PRPF39: variants seen among roughly 807,000 people sequenced by gnomAD.
PRPF39 encodes the protein pre-mRNA-processing factor 39.
Under a neutral mutation model 82.1 loss-of-function variants are expected in PRPF39, and 27 were observed. The ratio of observed to expected loss-of-function variants is 0.33; its 90% CI spans 0.24 to 0.45. The LOEUF is 0.45. Ranked by LOEUF, PRPF39 falls within the 20% of genes least tolerant of loss-of-function variation. The probability of loss-of-function intolerance (pLI) is 1.00; values close to 1 mark genes in which losing one functional copy is unlikely to be tolerated. For missense variants in PRPF39, 581 were observed against 796.9 expected (o/e 0.73, Z 3.26); for synonymous variants, 261 against 256.4 (o/e 1.02, Z -0.17).
chr14:45,085,222 C>T (rs1244708598), intron 1 of PRPF39, among the ~76,000 whole-genome samples: 3 of 152,110 alleles, frequency 2.0e-5, no homozygotes, highest in African/African-American at 7.2e-5. Context: ...GATTTATAAC[C>T]TCATTCTAGA....
intron 2 of PRPF39, chr14:45,095,875 T>C (rs983767554): frequency 2.2e-6 from 1 of 446,398 alleles, no homozygotes; most frequent in African/African-American, 2.1e-5. Context: ...AAAAGGGGGC[T>C]GCTGCCTGTG....
At chr14:45,099,121 T>C (rs914491252) in intron 4 of PRPF39, among the ~76,000 whole-genome samples, 1 of 152,214 alleles carries the variant, frequency 6.6e-6, no homozygotes, top group Non-Finnish European at 1.5e-5. Flanking sequence ...TTGGGTCTGA[T>C]GTAAATGAAG....
chr14:45,089,654 A>G (rs1023578547), intron 1 of PRPF39, among the ~76,000 whole-genome samples: 4 of 152,150 alleles, frequency 2.6e-5, no homozygotes, highest in South Asian at 2.1e-4. Flanking sequence ...TGATCGGCCT[A>G]CTTGGCCTCC....
At chr14:45,111,631 CTTTTTTTTTTT>C (rs58863567) in intron 10 of PRPF39, among the ~76,000 whole-genome samples, 1,778 of 58,806 alleles carry the variant, frequency 0.03, 33 homozygotes, top group Middle Eastern at 0.064. Flanking sequence ...TGCACCTGGG[CTTTTTTTTTTT>C]TTTTTTTTTT....
chr14:45,085,048 A>G (rs905796988), intron 1 of PRPF39, among the ~76,000 whole-genome samples: 1 of 152,164 alleles, frequency 6.6e-6, no homozygotes, highest in African/African-American at 2.4e-5. Flanking sequence ...TAATCTGTTC[A>G]GAAATAAACT....
At position 45,096,109 on chromosome 14, in the gene PRPF39, T is replaced by C. The variant is rs777244188; in HGVS notation, c.331T>C (p.Leu111=). Reference sequence around the variant, plus strand: ...ACTGTTTTATTTTTATCAGAATCACTTGATGGCTGCCAGGAAGGCATTTGA... The same window carrying C: ...ACTGTTTTATTTTTATCAGAATCACCTGATGGCTGCCAGGAAGGCATTTGA... ...LLQYVEQENH[L]MAARKAFDRF... is the part of the protein sequence containing the mutation. The change falls in exon 3 of 14, where the codon TTG becomes CTG. Residue 111 remains leucine, a synonymous_variant. Transcript: ENST00000355765. The C allele has an allele frequency of 2.5e-6, 4 of 1,568,794 alleles. No individual in the cohort carries two copies. In the Admixed American group the frequency reaches 7.5e-5, roughly 29 times the overall value.
chr14:45,095,854 C>T (rs560936709), intron 2 of PRPF39: 27 of 413,008 alleles, frequency 6.5e-5, no homozygotes, highest in Admixed American at 3.1e-4. Flanking sequence ...GTTTCAATTG[C>T]GTTTAGAAGA....
intron 4 of PRPF39, among the ~76,000 whole-genome samples, chr14:45,099,128 G>T (rs191422284): frequency 9.1e-4 from 138 of 152,244 alleles, no homozygotes; most frequent in Non-Finnish European, 1.7e-3. Flanking sequence ...TGATGTAAAT[G>T]AAGTTTTATA....
chr14:45,096,980 C>G lies in PRPF39; in HGVS notation c.544C>G (p.Pro182Ala). ...AAAAGAAACATTGGACCCTGGTGAT[C>G]CTGAGACAAACAATACAATAAGAGG... ...FLKETLDPGD[P>A]ETNNTIRGTF... The change falls in exon 4 of 14, where the codon CCT (proline) becomes GCT (alanine). Residue 182 changes from proline to alanine, a missense_variant. Pro to Ala is a conservative substitution (Grantham distance 27). Transcript: ENST00000355765. The G allele has an allele frequency of 6.5e-7, 1 of 1,549,666 alleles. No individual in the cohort carries two copies. Among genetic ancestry groups the G allele is most frequent in the Non-Finnish European group, 8.7e-7 (1 of 1,147,066 alleles).
chr14:45,114,733 A>G, intron 13 of PRPF39, 119 bp downstream of exon 13: 1 of 1,401,874 alleles, frequency 7.1e-7, no homozygotes, highest in Non-Finnish European at 9.8e-7. Context: ...TTGGTGGTTA[A>G]GTACTAGAAT....
intron 1 of PRPF39, among the ~76,000 whole-genome samples, chr14:45,088,062 G>A (rs903705163): frequency 4.6e-5 from 7 of 152,166 alleles, no homozygotes; most frequent in Non-Finnish European, 1.0e-4. Context: ...TGTATTGGTA[G>A]ATATGGTCCT....
intron 10 of PRPF39, among the ~76,000 whole-genome samples, chr14:45,111,631 CTTTTTTTTT>C (rs58863567): frequency 2.0e-3 from 117 of 58,796 alleles, no homozygotes; most frequent in African/African-American, 8.3e-3. Flanking sequence ...TGCACCTGGG[CTTTTTTTTT>C]TTTTTTTTTT....
intron 5 of PRPF39, among the ~76,000 whole-genome samples, chr14:45,103,411 A>G (rs1188824768): frequency 3.3e-5 from 5 of 151,900 alleles, no homozygotes; most frequent in Middle Eastern, 3.4e-3. Context: ...TTTTGTTATA[A>G]TTTTTATGAG....
In PRPF39 at chr14:45,097,019, T is replaced by G. The variant is rs1398423889; in HGVS notation, c.569+14T>G. 1.3e-6 allele frequency: 2 copies of G among 1,513,164 alleles called. No individual in the cohort carries two copies. The highest frequency in any genetic ancestry group is 1.8e-6 in the Non-Finnish European group (2 of 1,136,342). The allele number at this position is 1,513,164 out of a possible 1,614,324, so 93.7% of individuals were successfully genotyped here. On this transcript the variant is annotated intron_variant, in intron 4 of 13. Transcript: ENST00000355765. ...TACAATAAGAGGGTATGTGGAACAT[T>G]GATACTGAAATGTTTTTTATGATAT...
chr14:45,114,775 A>C, intron 13 of PRPF39, 82 bp from the exon 14 acceptor site: 1 of 1,406,308 alleles, frequency 7.1e-7, no homozygotes, highest in Non-Finnish European at 9.9e-7. Context: ...GTTTTCTTAA[A>C]CATAGCTGCT....
In PRPF39 at chr14:45,090,966, C is replaced by G. The variant is rs370972009; in HGVS notation, c.-19-4255C>G. Among the ~76,000 whole-genome samples, 21 of 152,272 alleles carry G rather than the reference C, an allele frequency of 1.4e-4. No homozygotes were observed. In the East Asian group the frequency reaches 3.7e-3, roughly 27 times the overall value. ...TTTACCTGGTTATAGCTAATTCTTTCAATGGCATTCAGACTCAGAAGGTCT... is the reference window on the plus strand; with the variant it reads ...TTTACCTGGTTATAGCTAATTCTTTGAATGGCATTCAGACTCAGAAGGTCT... On this transcript the variant is annotated intron_variant, in intron 1 of 13. Transcript: ENST00000355765.
At chr14:45,100,560 TTCTTG>T (rs1222301376) in intron 4 of PRPF39, among the ~76,000 whole-genome samples, 1 of 152,248 alleles carries the variant, frequency 6.6e-6, no homozygotes, top group Non-Finnish European at 1.5e-5. Context: ...TTTCATTACC[TTCTTG>T]TCTTCTTCCC....
chr14:45,107,976 C>T, intron 6 of PRPF39, among the ~76,000 whole-genome samples: 1 of 151,972 alleles, frequency 6.6e-6, no homozygotes, highest in African/African-American at 2.4e-5. Flanking sequence ...ACCTGTTATC[C>T]CTTGACTCCA....
chr14:45,114,527 A>G lies in PRPF39; in HGVS notation c.1866A>G (p.Thr622=), dbSNP rs1884783481. The G allele has an allele frequency of 1.3e-6, 2 of 1,589,814 alleles. No individual in the cohort carries two copies. The highest frequency in any genetic ancestry group is 1.7e-6 in the Non-Finnish European group (2 of 1,173,276). ...SEEPEEKKAH[T]EDTTSSSTQM... ...AACCAGAGGAAAAGAAAGCACATAC[A>G]GAAGATACAACTTCATCATCTACAC... is the stretch of plus-strand genomic sequence containing the variant. The change falls in exon 13 of 14, where the codon ACA becomes ACG. Residue 622 remains threonine (T), a synonymous_variant. Coordinates refer to ENST00000355765, the MANE Select transcript of PRPF39 (RefSeq NM_017922.4).
Sources: gnomAD v4.1 joint callset for allele counts (sites outside exome capture counted in the v4.1 genomes callset) on GRCh38, gnomAD v4.1.1 for gene constraint, MANE v1.5 for transcripts, NCBI Gene and HGNC (gene_info 2026-07-23, HGNC 2026-07-21) for gene names.